OPCML: variants seen among roughly 807,000 people sequenced by gnomAD.
The protein encoded by OPCML is opioid-binding protein/cell adhesion molecule.
In OPCML, 13 loss-of-function variants were observed where a neutral mutation model predicts 37.8. That is an observed-to-expected ratio of 0.34 (90% confidence interval 0.22 to 0.55). OPCML has a LOEUF of 0.55. Ranked by LOEUF, OPCML falls within the 20% of genes least tolerant of loss-of-function variation. The pLI, the probability that OPCML is intolerant of heterozygous loss-of-function variation, is 0.91. For synonymous variants in OPCML, 176 were observed against 168.8 expected (o/e 1.04, Z -0.33); for missense variants, 341 against 435.6 (o/e 0.78, Z 1.93).
chr11:133,080,475 T>TTG (rs1491256495), intron 1 of OPCML, among the ~76,000 whole-genome samples: 34 of 21,534 alleles, frequency 1.6e-3, no homozygotes, highest in Non-Finnish European at 2.7e-3. Context: ...TAATCAAATG[T>TTG]TTTTTTTTTT....
chr11:133,531,185 G>C (rs773841209), intron 1 of OPCML, among the ~76,000 whole-genome samples: 3 of 152,130 alleles, frequency 2.0e-5, no homozygotes, highest in Admixed American at 1.3e-4. Context: ...TAGCCCCTTC[G>C]GCATTGTTTG....
chr11:133,528,761 G>T (rs1423801988), intron 1 of OPCML, among the ~76,000 whole-genome samples: 1 of 152,220 alleles, frequency 6.6e-6, no homozygotes. Flanking sequence ...TGGACTCACA[G>T]ATCAGCGCAT....
chr11:132,880,331 C>G (rs910601863), intron 2 of OPCML, among the ~76,000 whole-genome samples: 5 of 152,240 alleles, frequency 3.3e-5, no homozygotes, highest in Admixed American at 2.6e-4. Context: ...AATTGCTCCA[C>G]TCTGTCTGTG....
rs139041078 is a variant in OPCML, at chr11:132,690,089, C to T, written c.147-32770G>A. 9.6e-3 allele frequency among the ~76,000 whole-genome samples: 1,464 copies of T among 152,232 alleles called. 21 individuals are homozygous for T. Among genetic ancestry groups the T allele is most frequent in the African/African-American group, 0.034 (1,392 of 41,548 alleles). Reference sequence around the variant, plus strand: ...AATCAAAATATAGGTTTAGATTTCACTTAGATCAGGTTCTTTGTCTTTTTC... The same window carrying T: ...AATCAAAATATAGGTTTAGATTTCATTTAGATCAGGTTCTTTGTCTTTTTC... On this transcript the variant is annotated intron_variant, in intron 2 of 7. Transcript: ENST00000524381.
At position 132,504,362 on chromosome 11, in the gene OPCML, G is replaced by A. The variant is rs111375521; in HGVS notation, c.505+24699C>T. ...AGCGCTGACTTGGATGGACGCATTC[G>A]CTATTTACTGCTGACTAAAAAGTCA... On this transcript the variant is annotated intron_variant, in intron 4 of 7. Transcript: ENST00000524381. Among the ~76,000 whole-genome samples, 797 of 152,284 alleles carry A rather than the reference G, an allele frequency of 5.2e-3. 3 individuals carry two copies. The highest frequency in any genetic ancestry group is 0.018 in the African/African-American group (742 of 41,552).
At chr11:133,236,494 A>T (rs1940523039) in intron 1 of OPCML, among the ~76,000 whole-genome samples, 1 of 146,070 alleles carries the variant, frequency 6.8e-6, no homozygotes, top group Non-Finnish European at 1.6e-5. Flanking sequence ...AAAGTAAAGT[A>T]GAGGTTCCTT....
At chr11:132,641,936 A>G (rs572050528) in intron 3 of OPCML, among the ~76,000 whole-genome samples, 2 of 152,276 alleles carry the variant, frequency 1.3e-5, no homozygotes, top group South Asian at 4.1e-4. Flanking sequence ...GTTTGAAAGG[A>G]GGTGATGGAG....
intron 1 of OPCML, among the ~76,000 whole-genome samples, chr11:133,472,362 C>T (rs191846681): frequency 1.6e-3 from 247 of 152,204 alleles, no homozygotes; most frequent in Non-Finnish European, 2.7e-3. Context: ...AGCAGTGCTG[C>T]TTACATGGTC....
At chr11:133,069,496 C>A (rs1482975813) in intron 1 of OPCML, among the ~76,000 whole-genome samples, 2 of 152,180 alleles carry the variant, frequency 1.3e-5, no homozygotes, top group African/African-American at 4.8e-5. Context: ...GGGCGAGTGG[C>A]AATTTGTGTG....
At chr11:133,309,324 C>T (rs58538571) in intron 1 of OPCML, among the ~76,000 whole-genome samples, 2 of 152,170 alleles carry the variant, frequency 1.3e-5, no homozygotes, top group African/African-American at 4.8e-5. Flanking sequence ...AGATCTCTTT[C>T]GTGTCCTTCC....
chr11:133,293,589 C>T (rs1437680651), intron 1 of OPCML, among the ~76,000 whole-genome samples: 1 of 152,178 alleles, frequency 6.6e-6, no homozygotes, highest in Non-Finnish European at 1.5e-5. Flanking sequence ...GAGAATCAAA[C>T]ACATGACAGA....
intron 1 of OPCML, among the ~76,000 whole-genome samples, chr11:133,271,101 C>T (rs1055394280): frequency 1.3e-5 from 2 of 152,220 alleles, no homozygotes; most frequent in Admixed American, 1.3e-4. Flanking sequence ...CTGGATTCAT[C>T]ATTTACTTGA....
intron 1 of OPCML, among the ~76,000 whole-genome samples, chr11:133,462,899 T>C (rs1055007155): frequency 6.6e-6 from 1 of 152,098 alleles, no homozygotes; most frequent in Non-Finnish European, 1.5e-5. Context: ...TATAATAGCC[T>C]TCATTACAAT....
At chr11:132,902,954 C>A (rs1189885126) in intron 2 of OPCML, among the ~76,000 whole-genome samples, 1 of 152,004 alleles carries the variant, frequency 6.6e-6, no homozygotes, top group African/African-American at 2.4e-5. Context: ...GTTCTGCCCT[C>A]ACCTTTGCAC....
rs5795793 is a variant in OPCML, at chr11:132,652,349, A to AACACACACACACACAC, written c.379+4722_379+4737dup. On this transcript the variant is annotated intron_variant, in intron 3 of 7. Transcript: ENST00000524381. ...AATATCAATAGAAGGAAGAATGACA[A>AACACACACACACACAC]ACACACACACACACACACACACACA... Among the ~76,000 whole-genome samples the AACACACACACACACAC allele has an allele frequency of 4.1e-3, 584 of 142,592 alleles. 3 individuals carry two copies. The highest frequency in any genetic ancestry group is 0.012 in the African/African-American group (438 of 37,808). The allele number at this position is 142,592 out of a possible 152,430, so 93.5% of individuals were successfully genotyped here.
chr11:132,631,086 T>C (rs1427180259), intron 3 of OPCML, among the ~76,000 whole-genome samples: 2 of 152,026 alleles, frequency 1.3e-5, no homozygotes, highest in African/African-American at 4.8e-5. Flanking sequence ...TTTATGGTGA[T>C]AGATATCAAA....
chr11:133,074,404 C>A (rs1260157603), intron 1 of OPCML, among the ~76,000 whole-genome samples: 3 of 152,174 alleles, frequency 2.0e-5, no homozygotes, highest in Non-Finnish European at 4.4e-5. Flanking sequence ...TGCCAGGAGC[C>A]TAAGAGTTTT....
chr11:132,815,979 C>T (rs1939611996), intron 2 of OPCML, among the ~76,000 whole-genome samples: 2 of 152,196 alleles, frequency 1.3e-5, no homozygotes, highest in Non-Finnish European at 1.5e-5. Context: ...AGGCAGTTCA[C>T]ACTTATTGGC....
chr11:132,847,638 C>T (rs372982701), intron 2 of OPCML, among the ~76,000 whole-genome samples: 5 of 152,214 alleles, frequency 3.3e-5, no homozygotes, highest in African/African-American at 1.2e-4. Context: ...GTTTCTCACT[C>T]TCTTTCAGGA....
Sources: gnomAD v4.1 joint callset for allele counts (sites outside exome capture counted in the v4.1 genomes callset) on GRCh38, gnomAD v4.1.1 for gene constraint, MANE v1.5 for transcripts, NCBI Gene and HGNC (gene_info 2026-07-23, HGNC 2026-07-21) for gene names.